Variants in CASKIN2 observed in about 807,000 individuals in gnomAD.
The protein encoded by CASKIN2 is CASK interacting protein 2, also known as caskin-2.
A neutral mutation model predicts 107.1 loss-of-function variants in CASKIN2; 41 were observed. The observed-to-expected ratio is 0.38, with a 90% CI of 0.30 to 0.50. CASKIN2 has a LOEUF of 0.50. Ranked by LOEUF, CASKIN2 falls within the 20% of genes least tolerant of loss-of-function variation. CASKIN2 has a pLI of 0.92. For missense variants in CASKIN2, 1,546 were observed against 1,657.4 expected, an observed-to-expected ratio of 0.93 and a Z score of 1.17; for synonymous variants, 724 against 705.6, an observed-to-expected ratio of 1.03 and a Z score of -0.41.
At chr17:75,507,520 C>T (rs1452746060) in intron 4 of CASKIN2, 64 bp downstream of exon 4, 18 of 1,223,416 alleles carry the variant, frequency 1.5e-5, no homozygotes, top group Non-Finnish European at 2.2e-5. Context: ...AAGCTCTGGT[C>T]CCAGGGTCTG....
At position 75,503,156 on chromosome 17, in the gene CASKIN2, C is replaced by T. The variant is rs2053222733; in HGVS notation, c.1918G>A (p.Ala640Thr). ...ATGGCCATCAGCTCCGGACCCTTGG[C>T]CAGCCGGCGCCCGCCTTCGCTGAGG... ...EALSEGGRRL[A>T]KGPELMAIEG... Residue 640 changes from alanine to threonine, a missense_variant, in exon 18 of 20, where the codon GCC becomes ACC. Around this residue, in one of 6 missense-constraint regions of CASKIN2, gnomAD observed 1,311 missense variants for 1,311.0 expected, o/e 1.00. Coordinates refer to ENST00000321617, the MANE Select transcript of CASKIN2 (RefSeq NM_020753.5). 3.7e-6 allele frequency: 6 copies of T among 1,603,354 alleles called. No individual in the cohort carries two copies. Among genetic ancestry groups the T allele is most frequent in the Non-Finnish European group, 4.2e-6 (5 of 1,177,004 alleles).
At position 75,501,846 on chromosome 17, in the gene CASKIN2, A is replaced by G. The variant is rs2053193608; in HGVS notation, c.3228T>C (p.Ala1076=). ...GTTCTGTCTCCCCATTCCACCGACT[A>G]GCTGCTGAGCTTTCCAGACCTGGCC... ...CPGPGLESSA[A]SRWNGETEPP... The change falls in exon 18 of 20, where the codon GCT becomes GCC. Residue 1076 remains alanine (A), a synonymous_variant. Coordinates refer to ENST00000321617, the MANE Select transcript of CASKIN2 (RefSeq NM_020753.5). The G allele has an allele frequency of 1.9e-6, 3 of 1,558,204 alleles. No homozygotes were observed. Among genetic ancestry groups the G allele is most frequent in the Non-Finnish European group, 1.7e-6 (2 of 1,154,326 alleles).
In CASKIN2 at chr17:75,504,296, G is replaced by A. The variant is rs780763257; in HGVS notation, c.1386C>T (p.Ser462=). The A allele has an allele frequency of 6.2e-7, 1 of 1,607,758 alleles. No individual in the cohort carries two copies. Among genetic ancestry groups the A allele is most frequent in the Admixed American group, 1.7e-5 (1 of 59,410 alleles). The part of the protein sequence containing the change: ...LHPPSLADNL[S]HRPLANCRSG... ...AGCGGCAGTTGGCCAGAGGGCGGTG[G>A]CTCAGGTTGTCTTCAAGGAGAGAGA... The change falls in exon 14 of 20, where the codon AGC becomes AGT. Residue 462 remains serine (S), a synonymous_variant. Coordinates refer to ENST00000321617, the MANE Select transcript of CASKIN2 (RefSeq NM_020753.5).
At chr17:75,509,197 G>A (rs2053296360) in intron 2 of CASKIN2, among the ~76,000 whole-genome samples, 1 of 152,242 alleles carries the variant, frequency 6.6e-6, no homozygotes, top group South Asian at 2.1e-4. Context: ...CCCTGCGAGA[G>A]CCAGGGAACT....
chr17:75,501,043 G>T lies in CASKIN2; in HGVS notation c.*37C>A. 6.5e-7 allele frequency: 1 copy of T among 1,541,424 alleles called. No homozygotes were observed. The highest frequency in any genetic ancestry group is 1.2e-5 in the South Asian group (1 of 83,982). ...TCTTCTGTGCTGGGGCAAAGGCAGT[G>T]GACTTCGGCAGGTCACAGTGGGCAC... On this transcript the variant is annotated 3_prime_UTR_variant, in exon 20 of 20. Coordinates refer to ENST00000321617, the MANE Select transcript of CASKIN2 (RefSeq NM_020753.5).
At position 75,503,739 on chromosome 17, in the gene CASKIN2, T is replaced by G. The variant is rs1384384030; in HGVS notation, c.1600A>C (p.Thr534Pro). 7 of 1,612,470 alleles carry G rather than the reference T, an allele frequency of 4.3e-6. No homozygotes were observed. The highest frequency in any genetic ancestry group is 5.1e-6 in the Non-Finnish European group (6 of 1,179,982). The change falls in exon 16 of 20, where the codon ACC (threonine) becomes CCC (proline). Residue 534 changes from threonine (T) to proline (P), a missense_variant. Transcript: ENST00000321617. ...TPEDLTAIGV[T>P]KPGHRKKIAS... ...ATCTTCTTCCTGTGCCCAGGCTTGG[T>G]CACCCCGATGGCCGTCAGGTCCTGC...
At position 75,513,712 on chromosome 17, in the gene CASKIN2, T is replaced by C. The variant is rs1460099177; in HGVS notation, c.93A>G (p.Thr31=). The C allele has an allele frequency of 1.2e-6, 2 of 1,613,076 alleles. No individual in the cohort carries two copies. Among genetic ancestry groups the C allele is most frequent in the African/African-American group, 1.3e-5 (1 of 74,898 alleles). The change falls in exon 2 of 20, where the codon ACA becomes ACG. Residue 31 remains threonine, a splice_region_variant and synonymous_variant. Coordinates refer to ENST00000321617, the MANE Select transcript of CASKIN2 (RefSeq NM_020753.5). The part of the protein sequence containing the change: ...KLVAKVKATK[T]KLLGSTKRLN... ...ATGCTCGTCCCACCCGGTACTCACT[T>C]GTCTTTGTGGCCTTGACCTTCGCCA...
Position 75,505,862 on chromosome 17 carries a change from G to T in CASKIN2, c.794C>A (p.Thr265Asn). 6.2e-7 allele frequency: 1 copy of T among 1,613,464 alleles called. No individual in the cohort carries two copies. The highest frequency in any genetic ancestry group is 8.5e-7 in the Non-Finnish European group (1 of 1,179,980). ...GATTTCCCGGCTGGCCTGGGAGGTG[G>T]TGAACTGATTCACTATGTCCAGCGC... ...QTALDIVNQF[T>N]TSQASREIKQ... The change falls in exon 9 of 20, where the codon ACC becomes AAC. Residue 265 changes from threonine to asparagine, a missense_variant. Physicochemically the swap from Thr to Asn is moderately conservative, Grantham distance 65. Coordinates refer to ENST00000321617, the MANE Select transcript of CASKIN2 (RefSeq NM_020753.5). The surrounding 1 kb of genome is among the most constrained non-coding windows in gnomAD (Gnocchi z 5.1).
At chr17:75,509,751 C>T (rs1231620732) in intron 2 of CASKIN2, 22 of 985,460 alleles carry the variant, frequency 2.2e-5, no homozygotes, top group South Asian at 9.4e-5. Context: ...GGAGACAATG[C>T]GGTCAGCAGG....
intron 14 of CASKIN2, 37 bp from the exon 15 acceptor site, chr17:75,503,999 C>G: frequency 6.4e-7 from 1 of 1,562,810 alleles, no homozygotes; most frequent in Non-Finnish European, 8.7e-7. Context: ...TTAGCAGGAG[C>G]TGGACCAAGG....
rs532746295 is a variant in CASKIN2, at chr17:75,514,158, G to A, written c.-354C>T. The A allele has an allele frequency of 3.8e-6, 2 of 523,572 alleles. No homozygotes were observed. Among genetic ancestry groups the A allele is most frequent in the South Asian group, 3.3e-5 (1 of 30,670 alleles). The allele number at this position is 523,572 out of a possible 1,614,324, so 32.4% of individuals were successfully genotyped here. On this transcript the variant is annotated 5_prime_UTR_variant, in exon 2 of 20. Coordinates refer to ENST00000321617, the MANE Select transcript of CASKIN2 (RefSeq NM_020753.5). The stretch of plus-strand genomic sequence containing the variant: ...AACACCAGTGCCCACCCAGAGAGCA[G>A]CCAGCATTCCCTTGGGCCTCAGGCA...
In CASKIN2 at chr17:75,505,714, C is replaced by G. The variant is rs908853552; in HGVS notation, c.836-63G>C. On this transcript the variant is annotated intron_variant, in intron 9 of 19. Transcript: ENST00000321617. This position sits in a 1 kb window ranked among gnomAD's most constrained non-coding sequence, Gnocchi z 5.1. Reference sequence around the variant, plus strand: ...GTCCTTAGGGCATCTTCCCACCCCTCATGCCCTTGACAACCCTCCCCCAGG... The same window carrying G: ...GTCCTTAGGGCATCTTCCCACCCCTGATGCCCTTGACAACCCTCCCCCAGG... The G allele has an allele frequency of 4.7e-5, 73 of 1,558,368 alleles. No homozygotes were observed. The highest frequency in any genetic ancestry group is 4.3e-4 in the Middle Eastern group (2 of 4,602).
In CASKIN2 at chr17:75,505,432, TAAG is replaced by T. The variant is rs1189996521; in HGVS notation, c.930+122_930+124del. 2.4e-5 allele frequency: 21 copies of T among 857,842 alleles called. No homozygotes were observed. The highest frequency in any genetic ancestry group is 3.3e-5 in the Non-Finnish European group (17 of 522,930). 53.1% of individuals were successfully genotyped at this position (857,842 alleles called of 1,614,324 possible). On this transcript the variant is annotated intron_variant, in intron 10 of 19. Transcript: ENST00000321617. The surrounding 1 kb of genome is among the most constrained non-coding windows in gnomAD (Gnocchi z 5.1). The stretch of plus-strand genomic sequence containing the variant: ...CTAACAGCACTGCCTTCCCTGGCTT[TAAG>T]AAGAATTAAATGAGGGTGCATATAG...
At chr17:75,501,274 G>C (rs893285626) in intron 19 of CASKIN2, 104 bp from the exon 20 acceptor site, 1 of 1,249,472 alleles carries the variant, frequency 8.0e-7, no homozygotes, top group East Asian at 2.5e-5. Flanking sequence ...GGAGGCAAGG[G>C]ACCGGCCAGG....
At chr17:75,513,579 G>T (rs1234740935) in intron 2 of CASKIN2, 132 bp downstream of exon 2, 2 of 750,956 alleles carry the variant, frequency 2.7e-6, no homozygotes, top group African/African-American at 1.7e-5. Flanking sequence ...TCACACAGAG[G>T]CACTTCTTAC....
chr17:75,503,426 G>A lies in CASKIN2; in HGVS notation c.1782C>T (p.Thr594=), dbSNP rs1276399181. Residue 594 remains threonine (T), a synonymous_variant, in exon 17 of 20, where the codon ACC becomes ACT. Coordinates refer to ENST00000321617, the MANE Select transcript of CASKIN2 (RefSeq NM_020753.5). ...CCCCAATCTCCTGCAGCTCCTCCCAGGTGAGGTCGGCCACCAGCCCCATGG... is the reference window on the plus strand; with the variant it reads ...CCCCAATCTCCTGCAGCTCCTCCCAAGTGAGGTCGGCCACCAGCCCCATGG... ...YDSMGLVADL[T]WEELQEIGVN... The A allele has an allele frequency of 3.1e-6, 5 of 1,612,914 alleles. No individual in the cohort carries two copies. Among genetic ancestry groups the A allele is most frequent in the South Asian group, 1.1e-5 (1 of 91,084 alleles).
At chr17:75,512,322 G>A (rs2053321832) in intron 2 of CASKIN2, among the ~76,000 whole-genome samples, 2 of 152,174 alleles carry the variant, frequency 1.3e-5, no homozygotes, top group Admixed American at 6.5e-5. Context: ...GGATCTCAAG[G>A]TGACAAGTCC....
At chr17:75,511,846 G>A (rs981528763) in intron 2 of CASKIN2, among the ~76,000 whole-genome samples, 13 of 152,186 alleles carry the variant, frequency 8.5e-5, no homozygotes, top group East Asian at 1.9e-4. Flanking sequence ...AACCCCTCCC[G>A]CCTGCCCTCC....
intron 1 of CASKIN2, 81 bp from the exon 2 acceptor site, chr17:75,514,289 G>A (rs1257559533): frequency 1.2e-5 from 5 of 406,320 alleles, no homozygotes; most frequent in Non-Finnish European, 1.7e-5. Context: ...AGGATGAGCA[G>A]GACAAGACCT....
Sources: gnomAD v4.1 joint callset for allele counts (sites outside exome capture counted in the v4.1 genomes callset) on GRCh38, gnomAD v4.1.1 for gene constraint, gnomAD v4.1.1 regional missense constraint, Gnocchi (gnomAD v3.1) non-coding constraint, MANE v1.5 for transcripts, NCBI Gene and HGNC (gene_info 2026-07-23, HGNC 2026-07-21) for gene names.